MIR2052HG: variants seen among roughly 807,000 people sequenced by gnomAD.
The protein encoded by MIR2052HG is MIR2052 host gene.
At chr8:74,678,670 A>C (rs1410125061) in intron 2 of MIR2052HG, among the ~76,000 whole-genome samples, 4 of 151,680 alleles carry the variant, frequency 2.6e-5, no homozygotes, top group African/African-American at 7.3e-5. Context: ...GGAGAGCATG[A>C]GAAAGGGAAA....
Position 74,649,217 on chromosome 8 carries a change from A to G in MIR2052HG, n.216+36277A>G, listed in dbSNP as rs572813853. Among the ~76,000 whole-genome samples, 4 of 152,338 alleles carry G rather than the reference A, an allele frequency of 2.6e-5. No homozygotes were observed. In the South Asian group the frequency reaches 6.2e-4, roughly 24 times the overall value. On this transcript the variant is annotated intron_variant and non_coding_transcript_variant, in intron 2 of 6. Transcript: ENST00000523442. ...AATAAATAAATAAATCTCATGAGAG[A>G]CACAGATGCAGGTGTCTTGAACCAC...
At chr8:74,645,831 C>T (rs935890301) in intron 2 of MIR2052HG, among the ~76,000 whole-genome samples, 3 of 152,220 alleles carry the variant, frequency 2.0e-5, no homozygotes, top group Non-Finnish European at 4.4e-5. Flanking sequence ...TAATGGTCAG[C>T]TTCCTCTATC....
In MIR2052HG at chr8:74,683,540, A is replaced by G. The variant is rs1228213641; in HGVS notation, n.217-18839A>G. ...TACCTTTGCTGTTGGCATCCTGGGCATATTTGGACAACTTGCCTACTTTCC... is the reference window on the plus strand; with the variant it reads ...TACCTTTGCTGTTGGCATCCTGGGCGTATTTGGACAACTTGCCTACTTTCC... On this transcript the variant is annotated intron_variant and non_coding_transcript_variant, in intron 2 of 6. Transcript: ENST00000523442. Among the ~76,000 whole-genome samples, 4 of 152,268 alleles carry G rather than the reference A, an allele frequency of 2.6e-5. No homozygotes were observed. The East Asian group carries it at 7.7e-4, about 29-fold the overall frequency.
intron 4 of MIR2052HG, among the ~76,000 whole-genome samples, chr8:74,739,105 G>T (rs1009083020): frequency 2.6e-5 from 4 of 152,202 alleles, no homozygotes; most frequent in African/African-American, 2.4e-5. Context: ...ATGGAAATTA[G>T]AGTAGTGTGT....
At chr8:74,645,639 A>G (rs898054020) in intron 2 of MIR2052HG, among the ~76,000 whole-genome samples, 5 of 152,220 alleles carry the variant, frequency 3.3e-5, no homozygotes, top group Admixed American at 1.3e-4. Flanking sequence ...CACCTGGAAC[A>G]TAGTGACTGC....
chr8:74,724,697 G>C (rs1411416596), intron 4 of MIR2052HG, among the ~76,000 whole-genome samples: 1 of 152,100 alleles, frequency 6.6e-6, no homozygotes, highest in East Asian at 1.9e-4. Context: ...GGTTCTAACA[G>C]GTGAATTTCT....
chr8:74,616,558 TA>T (rs987219091), intron 2 of MIR2052HG, among the ~76,000 whole-genome samples: 2 of 152,006 alleles, frequency 1.3e-5, no homozygotes, highest in African/African-American at 2.4e-5. Flanking sequence ...TATGTTTATA[TA>T]ATTGCAGTAT....
intron 4 of MIR2052HG, among the ~76,000 whole-genome samples, chr8:74,740,503 T>C (rs1026512324): frequency 6.6e-6 from 1 of 152,166 alleles, no homozygotes; most frequent in African/African-American, 2.4e-5. Flanking sequence ...CAATATGATA[T>C]GTTAGGCATC....
intron 2 of MIR2052HG, among the ~76,000 whole-genome samples, chr8:74,659,976 C>T (rs1217670518): frequency 6.6e-6 from 1 of 152,016 alleles, no homozygotes; most frequent in Non-Finnish European, 1.5e-5. Context: ...TCATAAGAAA[C>T]AGAGATATGC....
intron 1 of MIR2052HG, chr8:74,604,086 A>G (rs1370649071): frequency 2.2e-6 from 2 of 928,076 alleles, no homozygotes; most frequent in South Asian, 1.3e-5. Context: ...TCTCAGGACA[A>G]TTCCCTTCTG....
rs544286776 is a variant in MIR2052HG, at chr8:74,746,669, A to G, written n.372-5772A>G. On this transcript the variant is annotated intron_variant and non_coding_transcript_variant, in intron 4 of 6. Coordinates refer to ENST00000523442, the Ensembl canonical transcript of MIR2052HG. ...TTGCATGAGGTAGAATTTGCTAAGC[A>G]GAAAAAGGGGTAGAGGATAGAGTGG... Among the ~76,000 whole-genome samples the G allele has an allele frequency of 2.7e-3, 404 of 151,798 alleles. 3 individuals carry two copies. The highest frequency in any genetic ancestry group is 4.6e-3 in the Non-Finnish European group (311 of 67,906).
intron 4 of MIR2052HG, among the ~76,000 whole-genome samples, chr8:74,724,666 A>G (rs1280609324): frequency 6.6e-6 from 1 of 152,186 alleles, no homozygotes; most frequent in Non-Finnish European, 1.5e-5. Context: ...AGATACTCCC[A>G]ACCCCCATGC....
intron 4 of MIR2052HG, among the ~76,000 whole-genome samples, chr8:74,746,446 G>T (rs1809886156): frequency 6.6e-6 from 1 of 152,090 alleles, no homozygotes; most frequent in African/African-American, 2.4e-5. Flanking sequence ...CCTCAGTGAA[G>T]GGGACAGACA....
intron 5 of MIR2052HG, among the ~76,000 whole-genome samples, chr8:74,755,688 G>A (rs1439018432): frequency 6.6e-6 from 1 of 152,112 alleles, no homozygotes; most frequent in Non-Finnish European, 1.5e-5. Context: ...TGGTTCATGC[G>A]CTAAAATGTG....
At chr8:74,675,354 C>G (rs561240646) in intron 2 of MIR2052HG, among the ~76,000 whole-genome samples, 8 of 152,126 alleles carry the variant, frequency 5.3e-5, no homozygotes, top group African/African-American at 1.9e-4. Flanking sequence ...CCAAACAAGG[C>G]AGTTATAACC....
rs545280001 is a variant in MIR2052HG, at chr8:74,749,394, C to A, written n.372-3047C>A. 7.3e-5 allele frequency among the ~76,000 whole-genome samples: 11 copies of A among 151,560 alleles called. No individual in the cohort carries two copies. The South Asian group carries it at 2.3e-3, about 32-fold the overall frequency. On this transcript the variant is annotated intron_variant and non_coding_transcript_variant, in intron 4 of 6. Coordinates refer to ENST00000523442, the Ensembl canonical transcript of MIR2052HG. ...GAATGGATGATGCCACTTCCTATCA[C>A]CAAGTTAAAAAAAAAAACAAAACTT...
chr8:74,625,688 A>G (rs571544847), intron 2 of MIR2052HG, among the ~76,000 whole-genome samples: 6 of 152,252 alleles, frequency 3.9e-5, no homozygotes, highest in African/African-American at 7.2e-5. Flanking sequence ...ATAAAGTTAA[A>G]GAATATTCTT....
intron 2 of MIR2052HG, among the ~76,000 whole-genome samples, chr8:74,658,468 G>C (rs910178712): frequency 6.6e-6 from 1 of 151,238 alleles, no homozygotes; most frequent in African/African-American, 2.4e-5. Context: ...TTGGCTCACT[G>C]CAACCTCCAC....
At chr8:74,656,803 G>A (rs1446636510) in intron 2 of MIR2052HG, among the ~76,000 whole-genome samples, 2 of 152,096 alleles carry the variant, frequency 1.3e-5, no homozygotes, top group Non-Finnish European at 2.9e-5. Context: ...AGCAAATGGT[G>A]GAAAGATACA....
Sources: gnomAD v4.1 joint callset for allele counts (sites outside exome capture counted in the v4.1 genomes callset) on GRCh38, gnomAD v4.1.1 for gene constraint, MANE v1.5 for transcripts, NCBI Gene and HGNC (gene_info 2026-07-23, HGNC 2026-07-21) for gene names.